CACNB2: variants seen among roughly 807,000 people sequenced by gnomAD.
CACNB2 encodes the protein voltage-dependent L-type calcium channel subunit beta-2.
A neutral mutation model predicts 73.3 loss-of-function variants in CACNB2; 42 were observed. The ratio of observed to expected loss-of-function variants is 0.57; its 90% CI spans 0.45 to 0.74. The LOEUF is 0.74. Among genes scored for constraint, CACNB2 ranks in the 30% least tolerant of loss-of-function variants. CACNB2 has a pLI of 0.00. For missense variants in CACNB2, 940 were observed against 853.0 expected (o/e 1.10, Z -1.27); for synonymous variants, 348 against 310.3 (o/e 1.12, Z -1.28).
intron 2 of CACNB2, among the ~76,000 whole-genome samples, chr10:18,224,848 A>G (rs2035929269): frequency 6.6e-6 from 1 of 152,226 alleles, no homozygotes; most frequent in African/African-American, 2.4e-5. Context: ...AAAGGGCCTC[A>G]GTCCTCCCTT....
intron 10 of CACNB2, among the ~76,000 whole-genome samples, chr10:18,530,959 G>A (rs749834868): frequency 1.3e-5 from 2 of 152,222 alleles, no homozygotes; most frequent in Non-Finnish European, 2.9e-5. Flanking sequence ...AGAATTTACT[G>A]AGCCTGGGGA....
Position 18,193,519 on chromosome 10 carries a change from T to C in CACNB2, c.213+42544T>C, listed in dbSNP as rs778165946. 2.5e-4 allele frequency among the ~76,000 whole-genome samples: 38 copies of C among 152,146 alleles called. 1 individual carries two copies. The highest frequency in any genetic ancestry group is 4.4e-4 in the Non-Finnish European group (30 of 68,022). On this transcript the variant is annotated intron_variant, in intron 2 of 13. Coordinates refer to ENST00000324631, the MANE Select transcript of CACNB2 (RefSeq NM_201596.3). ...TATGCTAGCTATTAGAAAAGAAATC[T>C]CCAAGGAGATAGATTCCAGAAGGGC...
chr10:18,350,237 C>G (rs1037514579), intron 2 of CACNB2, among the ~76,000 whole-genome samples: 3 of 152,080 alleles, frequency 2.0e-5, no homozygotes, highest in African/African-American at 7.2e-5. Flanking sequence ...AAGAGCAAAA[C>G]TCAGTCTCAA....
intron 2 of CACNB2, among the ~76,000 whole-genome samples, chr10:18,322,877 T>A (rs563247297): frequency 1.5e-5 from 2 of 131,196 alleles, no homozygotes; most frequent in East Asian, 4.3e-4. Context: ...ATATTTTTAA[T>A]TTTTTTTTTT....
intron 3 of CACNB2, among the ~76,000 whole-genome samples, chr10:18,485,048 G>A (rs1467867957): frequency 6.6e-6 from 1 of 152,082 alleles, no homozygotes; most frequent in Non-Finnish European, 1.5e-5. Flanking sequence ...CCAGCTACTT[G>A]GGAGGATCAT....
In CACNB2 at chr10:18,450,947, T is replaced by C. The variant is rs370656716; in HGVS notation, c.334-47408T>C. 4.6e-5 allele frequency among the ~76,000 whole-genome samples: 7 copies of C among 152,350 alleles called. No individual in the cohort carries two copies. The East Asian group carries it at 5.8e-4, about 13-fold the overall frequency. ...CCACCACGCCCAGCCCCGTTTGCTTTTTTTATGAAAAGAATCACTACCAAT... is the reference window on the plus strand; with the variant it reads ...CCACCACGCCCAGCCCCGTTTGCTTCTTTTATGAAAAGAATCACTACCAAT... On this transcript the variant is annotated intron_variant, in intron 3 of 13. Coordinates refer to ENST00000324631, the MANE Select transcript of CACNB2 (RefSeq NM_201596.3).
chr10:18,499,956 G>A (rs551203657), intron 4 of CACNB2, among the ~76,000 whole-genome samples: 32 of 152,084 alleles, frequency 2.1e-4, no homozygotes, highest in Non-Finnish European at 3.8e-4. Context: ...GGGCGACAGA[G>A]CAAGACCCTG....
intron 3 of CACNB2, among the ~76,000 whole-genome samples, chr10:18,470,239 C>T (rs2048110057): frequency 6.6e-6 from 1 of 151,100 alleles, no homozygotes. Context: ...GTAATCCCAG[C>T]ACTTTGGGAG....
chr10:18,402,141 A>G, intron 3 of CACNB2, 98 bp downstream of exon 3: 1 of 1,327,662 alleles, frequency 7.5e-7, no homozygotes, highest in Non-Finnish European at 1.1e-6. Flanking sequence ...TTGATCTATT[A>G]GAGAATTTCA....
At chr10:18,530,914 G>C (rs935278297) in intron 10 of CACNB2, among the ~76,000 whole-genome samples, 1 of 152,194 alleles carries the variant, frequency 6.6e-6, no homozygotes, top group Non-Finnish European at 1.5e-5. Flanking sequence ...TGCCCCCCAA[G>C]CCACTTTGAT....
chr10:18,337,790 A>G (rs1156808052), intron 2 of CACNB2, among the ~76,000 whole-genome samples: 1 of 152,154 alleles, frequency 6.6e-6, no homozygotes, highest in Non-Finnish European at 1.5e-5. Context: ...CATATTTTCA[A>G]CTTTGCTGCA....
intron 2 of CACNB2, among the ~76,000 whole-genome samples, chr10:18,281,739 G>C (rs998622480): frequency 2.6e-5 from 4 of 152,076 alleles, no homozygotes; most frequent in African/African-American, 9.7e-5. Context: ...AGCACTTTTG[G>C]AGGCTGTGGC....
chr10:18,361,981 T>C (rs1202090924), intron 2 of CACNB2, among the ~76,000 whole-genome samples: 1 of 152,204 alleles, frequency 6.6e-6, no homozygotes, highest in Non-Finnish European at 1.5e-5. Flanking sequence ...TTATTACTGC[T>C]ACACATTTTT....
At chr10:18,409,882 C>T (rs1007998176) in intron 3 of CACNB2, among the ~76,000 whole-genome samples, 2 of 152,134 alleles carry the variant, frequency 1.3e-5, no homozygotes, top group African/African-American at 4.8e-5. Context: ...TTATTTAATC[C>T]TCCTATGTTC....
chr10:18,242,326 A>C (rs1351689361), intron 2 of CACNB2, among the ~76,000 whole-genome samples: 1 of 152,176 alleles, frequency 6.6e-6, no homozygotes, highest in Admixed American at 6.5e-5. Context: ...CTTGTGTCAA[A>C]ACCAATTAGA....
intron 3 of CACNB2, among the ~76,000 whole-genome samples, chr10:18,446,585 T>A (rs1332731467): frequency 2.0e-5 from 3 of 152,164 alleles, no homozygotes; most frequent in African/African-American, 7.2e-5. Flanking sequence ...TTGGTAGATG[T>A]TTCCAGTGAC....
intron 2 of CACNB2, among the ~76,000 whole-genome samples, chr10:18,216,133 TAAA>T (rs5783587): frequency 5.5e-5 from 8 of 144,740 alleles, no homozygotes; most frequent in Admixed American, 2.1e-4. Flanking sequence ...CCGTCTCAAC[TAAA>T]AAAAAAAAAA....
chr10:18,171,877 G>C (rs911219166), intron 2 of CACNB2, among the ~76,000 whole-genome samples: 1 of 152,090 alleles, frequency 6.6e-6, no homozygotes. Context: ...GCTTACATCA[G>C]TGTCTGCCCC....
chr10:18,192,778 A>G (rs1291498279), intron 2 of CACNB2, among the ~76,000 whole-genome samples: 1 of 152,066 alleles, frequency 6.6e-6, no homozygotes, highest in Non-Finnish European at 1.5e-5. Flanking sequence ...ATGTAGCGTA[A>G]TTTTTTAAAG....
Sources: allele counts gnomAD v4.1 joint callset (sites outside exome capture counted in the v4.1 genomes callset), GRCh38; gene constraint gnomAD v4.1.1; transcripts MANE v1.5; gene names NCBI Gene and HGNC (gene_info 2026-07-23, HGNC 2026-07-21).